Variants in ANKRD30B observed in about 807,000 individuals in gnomAD.
The protein encoded by ANKRD30B is ankyrin repeat domain-containing protein 30B.
In ANKRD30B, 144 loss-of-function variants were observed where a neutral mutation model predicts 202.2. The observed-to-expected ratio is 0.71, with a 90% confidence interval of 0.62 to 0.82. ANKRD30B has a LOEUF of 0.82. Ranked by LOEUF, ANKRD30B falls within the 40% of genes least tolerant of loss-of-function variation. The pLI is 0.00. For missense variants in ANKRD30B, 1,487 were observed against 1,669.1 expected (o/e 0.89, Z 1.90); for synonymous variants, 508 against 561.3 (o/e 0.91, Z 1.34).
intron 16 of ANKRD30B, among the ~76,000 whole-genome samples, chr18:14,796,015 T>C: frequency 6.6e-6 from 1 of 152,170 alleles, no homozygotes; most frequent in East Asian, 1.9e-4. Flanking sequence ...GCAAGTTTGA[T>C]GAAGGTTATT....
At position 14,784,667 on chromosome 18, in the gene ANKRD30B, T is replaced by A. The variant is rs565659740; in HGVS notation, c.1672+132T>A. On this transcript the variant is annotated intron_variant, in intron 14 of 43. Transcript: ENST00000690538. ...TTGATCTAGATAATGCCAATACTGG[T>A]ATTTATGTTTGAAAACCTGATATTA... is the stretch of plus-strand genomic sequence containing the variant. 5 of 999,728 alleles carry A rather than the reference T, an allele frequency of 5.0e-6. No individual in the cohort carries two copies. In the Admixed American group the frequency reaches 1.3e-4, roughly 27 times the overall value. The allele number at this position is 999,728 out of a possible 1,614,324, so 61.9% of individuals were successfully genotyped here. A position where few individuals can be genotyped will look rare whatever the true frequency, so the allele number is the denominator to read the frequency against.
chr18:14,839,483 C>A (rs563339161), intron 36 of ANKRD30B, among the ~76,000 whole-genome samples: 12 of 152,136 alleles, frequency 7.9e-5, no homozygotes, highest in Non-Finnish European at 1.5e-4. Flanking sequence ...AGTGGGGTAA[C>A]CACCAATGTC....
chr18:14,884,926 G>T, the ANKRD30B span, among the ~76,000 whole-genome samples: 3 of 152,076 alleles, frequency 2.0e-5, no homozygotes, highest in Non-Finnish European at 2.9e-5. Context: ...AATAAATACT[G>T]TACAGAAGTG....
At chr18:14,762,946 A>G (rs1414868920) in intron 6 of ANKRD30B, among the ~76,000 whole-genome samples, 1 of 152,146 alleles carries the variant, frequency 6.6e-6, no homozygotes, top group African/African-American at 2.4e-5. Context: ...TTTCCAACAG[A>G]ATTTCCTTAA....
chr18:14,940,813 A>C, the ANKRD30B span, among the ~76,000 whole-genome samples: 1 of 152,160 alleles, frequency 6.6e-6, no homozygotes, highest in Admixed American at 6.5e-5. Context: ...GCAGAAAAAT[A>C]GTTTTTTATT....
the ANKRD30B span, among the ~76,000 whole-genome samples, chr18:14,894,789 G>A: frequency 5.1e-4 from 77 of 150,078 alleles, 1 homozygote; most frequent in African/African-American, 1.4e-3. Context: ...TTCATTTTAC[G>A]TCACTAAAAT....
chr18:14,749,932 A>G (rs1913160867), intron 1 of ANKRD30B, among the ~76,000 whole-genome samples: 1 of 151,916 alleles, frequency 6.6e-6, no homozygotes. Context: ...CTAGATTTTT[A>G]TGGCACAAAA....
the ANKRD30B span, among the ~76,000 whole-genome samples, chr18:14,933,355 C>G: frequency 6.6e-6 from 1 of 152,208 alleles, no homozygotes; most frequent in Non-Finnish European, 1.5e-5. Flanking sequence ...CAGCTCCTGT[C>G]CTGTTCTGCA....
chr18:14,782,464 A>G, intron 11 of ANKRD30B, 63 bp from the exon 12 acceptor site: 3 of 1,202,254 alleles, frequency 2.5e-6, no homozygotes, highest in Non-Finnish European at 3.5e-6. Flanking sequence ...TATTTTAATT[A>G]GGAATTTTGA....
chr18:14,927,308 ACAATTTT>A, the ANKRD30B span, among the ~76,000 whole-genome samples: 3 of 152,196 alleles, frequency 2.0e-5, no homozygotes, highest in African/African-American at 7.2e-5. Context: ...CAGGGCCTAC[ACAATTTT>A]CCATACCCCA....
chr18:14,879,651 T>A, the ANKRD30B span, among the ~76,000 whole-genome samples: 1 of 150,380 alleles, frequency 6.6e-6, no homozygotes, highest in African/African-American at 2.4e-5. Flanking sequence ...ACGTTTAGAG[T>A]TAGGGGTTAA....
the ANKRD30B span, chr18:14,903,775 A>G: frequency 6.6e-6 from 1 of 152,222 alleles, no homozygotes; most frequent in Admixed American, 6.5e-5. Flanking sequence ...TCTCTCCTAT[A>G]GTAGCACTTG....
chr18:14,798,998 C>T, intron 20 of ANKRD30B, 103 bp from the exon 21 acceptor site: 2 of 1,205,100 alleles, frequency 1.7e-6, no homozygotes, highest in Non-Finnish European at 1.2e-6. Flanking sequence ...CCTTTTCAAT[C>T]CAAGCATCAT....
intron 32 of ANKRD30B, among the ~76,000 whole-genome samples, chr18:14,823,949 A>G (rs1332682714): frequency 1.3e-5 from 2 of 152,078 alleles, no homozygotes; most frequent in East Asian, 3.9e-4. Flanking sequence ...CAGCCTTGGT[A>G]ACAGAGTGAG....
chr18:14,847,860 G>A (rs368788388), intron 39 of ANKRD30B, among the ~76,000 whole-genome samples: 1 of 151,874 alleles, frequency 6.6e-6, no homozygotes, highest in East Asian at 1.9e-4. Context: ...TATAAGTTCC[G>A]CCCTGACCTG....
rs1166176352 is a variant in ANKRD30B at position 14,751,003 on chromosome 18, G to A, written c.222-1563G>A. On this transcript the variant is annotated intron_variant, in intron 1 of 43. Coordinates refer to ENST00000690538, the MANE Select transcript of ANKRD30B (RefSeq NM_001367607.2). Reference sequence around the variant, plus strand: ...ATTAATGAAATAATTTTTGGGAGGAGCAGCAATATGTATTTTGCACAGATG... The same window carrying A: ...ATTAATGAAATAATTTTTGGGAGGAACAGCAATATGTATTTTGCACAGATG... 3.3e-5 allele frequency among the ~76,000 whole-genome samples: 5 copies of A among 152,060 alleles called. No homozygotes were observed. The East Asian group carries it at 7.7e-4, about 23-fold the overall frequency.
In ANKRD30B at chr18:14,796,386, A is replaced by T. The variant is rs755106209; in HGVS notation, c.1898A>T (p.Glu633Val). The T allele has an allele frequency of 2.0e-5, 31 of 1,561,142 alleles. No homozygotes were observed. Among genetic ancestry groups the T allele is most frequent in the Non-Finnish European group, 2.7e-5 (31 of 1,152,250 alleles). Reference protein sequence around the residue: ...RKVSLPNKALELKDRETFKAE... With the variant: ...RKVSLPNKALVLKDRETFKAE... ...GTTTCTCTTCCAAATAAAGCCTTAG[A>T]ATTAAAGGACAGAGAAACATTCAAA... Residue 633 changes from glutamate (E) to valine (V), a missense_variant, in exon 18 of 44, where the codon GAA becomes GTA. Around this residue, in one of 6 missense-constraint regions of ANKRD30B, gnomAD observed 889 missense variants for 841.4 expected, o/e 1.06. Coordinates refer to ENST00000690538, the MANE Select transcript of ANKRD30B (RefSeq NM_001367607.2).
intron 28 of ANKRD30B, among the ~76,000 whole-genome samples, chr18:14,810,837 T>C (rs1969874809): frequency 6.6e-6 from 1 of 151,266 alleles, no homozygotes; most frequent in East Asian, 1.9e-4. Flanking sequence ...CAACAGGCTG[T>C]GCATGGTGGC....
At chr18:14,838,434 A>G (rs909852975) in intron 36 of ANKRD30B, among the ~76,000 whole-genome samples, 8 of 152,338 alleles carry the variant, frequency 5.3e-5, no homozygotes, top group African/African-American at 1.9e-4. Flanking sequence ...ACATTTCAGG[A>G]GTTGGATAAA....
Sources: gnomAD v4.1 joint callset for allele counts (sites outside exome capture counted in the v4.1 genomes callset) on GRCh38, gnomAD v4.1.1 for gene constraint, gnomAD v4.1.1 regional missense constraint, MANE v1.5 for transcripts, NCBI Gene and HGNC (gene_info 2026-07-23, HGNC 2026-07-21) for gene names.